Variants in KHDRBS2 observed in about 807,000 individuals in gnomAD.
The protein encoded by KHDRBS2 is KH domain-containing, RNA-binding, signal transduction-associated protein 2.
In KHDRBS2, 26 loss-of-function variants were observed where a neutral mutation model predicts 44.3. That is an observed-to-expected ratio of 0.59 (90% CI 0.43 to 0.81). KHDRBS2 has a LOEUF of 0.81. KHDRBS2 is among the 40% of genes least tolerant of loss of function. The pLI is 0.00. For missense variants in KHDRBS2, 476 were observed against 433.1 expected (o/e 1.10, Z -0.88); for synonymous variants, 194 against 151.1 (o/e 1.28, Z -2.08).
intron 8 of KHDRBS2, among the ~76,000 whole-genome samples, chr6:61,690,727 C>T (rs1767306436): frequency 6.6e-6 from 1 of 151,960 alleles, no homozygotes; most frequent in Admixed American, 6.6e-5. Context: ...ATAAAAGGAG[C>T]CTGCATATAA....
At chr6:62,125,318 G>A (rs1454579559) in intron 2 of KHDRBS2, among the ~76,000 whole-genome samples, 1 of 152,136 alleles carries the variant, frequency 6.6e-6, no homozygotes, top group Non-Finnish European at 1.5e-5. Context: ...TACCCAGAGG[G>A]GAAATGCCCA....
At chr6:61,681,307 C>A (rs1766267972) in intron 8 of KHDRBS2, among the ~76,000 whole-genome samples, 1 of 151,668 alleles carries the variant, frequency 6.6e-6, no homozygotes, top group Non-Finnish European at 1.5e-5. Flanking sequence ...AAACCCCTGC[C>A]CATAAAATCT....
intron 4 of KHDRBS2, among the ~76,000 whole-genome samples, chr6:61,934,552 A>G (rs1810683426): frequency 6.6e-6 from 1 of 152,198 alleles, no homozygotes; most frequent in African/African-American, 2.4e-5. Context: ...TCTTTTCACT[A>G]TGAATTGTAC....
intron 6 of KHDRBS2, among the ~76,000 whole-genome samples, chr6:61,785,010 A>T (rs753508032): frequency 6.6e-6 from 1 of 151,990 alleles, no homozygotes; most frequent in Admixed American, 6.6e-5. Flanking sequence ...TTTGCAGGGC[A>T]TGGTGGCGCA....
chr6:62,169,700 GA>G (rs1296929287), intron 2 of KHDRBS2, among the ~76,000 whole-genome samples: 1 of 152,010 alleles, frequency 6.6e-6, no homozygotes, highest in Non-Finnish European at 1.5e-5. Context: ...CTAGGGATGG[GA>G]AAATGCCCCG....
intron 1 of KHDRBS2, among the ~76,000 whole-genome samples, chr6:62,246,100 TTTTATATA>T (rs1311339362): frequency 3.1e-4 from 18 of 57,954 alleles, no homozygotes; most frequent in African/African-American, 1.3e-3. Context: ...ATTCAATCAA[TTTTATATA>T]TATATATATA....
chr6:61,576,233 A>AT, the KHDRBS2 span, among the ~76,000 whole-genome samples: 2 of 152,052 alleles, frequency 1.3e-5, no homozygotes, highest in Admixed American at 6.6e-5. Flanking sequence ...ATGTTGGTTC[A>AT]TTTTTTTGGG....
chr6:62,053,364 A>G (rs571780267), intron 2 of KHDRBS2, among the ~76,000 whole-genome samples: 18 of 152,072 alleles, frequency 1.2e-4, no homozygotes, highest in South Asian at 6.2e-4. Context: ...AAGAAAAAAA[A>G]AATGACATGA....
At chr6:61,830,705 T>C (rs1791649965) in intron 6 of KHDRBS2, among the ~76,000 whole-genome samples, 2 of 152,322 alleles carry the variant, frequency 1.3e-5, no homozygotes, top group Admixed American at 1.3e-4. Context: ...TGTCATGTCC[T>C]GGGTACAGGT....
At chr6:61,954,122 A>T (rs1765378136) in intron 4 of KHDRBS2, among the ~76,000 whole-genome samples, 1 of 152,164 alleles carries the variant, frequency 6.6e-6, no homozygotes, top group South Asian at 2.1e-4. Flanking sequence ...GCCACAAGGC[A>T]TAACACTGAG....
the KHDRBS2 span, among the ~76,000 whole-genome samples, chr6:61,639,899 G>C: frequency 6.6e-6 from 1 of 151,984 alleles, no homozygotes; most frequent in Non-Finnish European, 1.5e-5. Context: ...AAGAAGAGGG[G>C]ACTGTTATAG....
chr6:61,846,015 T>C (rs1261797164), intron 6 of KHDRBS2, among the ~76,000 whole-genome samples: 1 of 152,140 alleles, frequency 6.6e-6, no homozygotes, highest in Admixed American at 6.5e-5. Context: ...TTTAAAAGTG[T>C]GTGGCACCTC....
intron 2 of KHDRBS2, among the ~76,000 whole-genome samples, chr6:62,073,458 G>A (rs147562959): frequency 6.7e-6 from 1 of 148,710 alleles, no homozygotes; most frequent in African/African-American, 2.5e-5. Flanking sequence ...TTTCCTTTCA[G>A]TCTAATTGTT....
chr6:62,120,891 A>G (rs1807471549), intron 2 of KHDRBS2, among the ~76,000 whole-genome samples: 1 of 152,154 alleles, frequency 6.6e-6, no homozygotes, highest in Non-Finnish European at 1.5e-5. Flanking sequence ...TCCTTCCCCA[A>G]CAAGACCTCC....
chr6:62,149,580 T>G (rs1814657347), intron 2 of KHDRBS2, among the ~76,000 whole-genome samples: 2 of 152,154 alleles, frequency 1.3e-5, no homozygotes, highest in African/African-American at 4.8e-5. Context: ...CACTGGTGTT[T>G]GTTGTTCCAC....
At chr6:61,654,880 C>G in the KHDRBS2 span, among the ~76,000 whole-genome samples, 1 of 151,478 alleles carries the variant, frequency 6.6e-6, no homozygotes, top group Non-Finnish European at 1.5e-5. Context: ...CTGGGGAAGG[C>G]GCAGGAGGCA....
chr6:61,669,961 A>G, the KHDRBS2 span, among the ~76,000 whole-genome samples: 1 of 151,194 alleles, frequency 6.6e-6, no homozygotes, highest in Non-Finnish European at 1.5e-5. Flanking sequence ...TTTACACACC[A>G]GAATCCCACT....
chr6:61,633,085 C>A, the KHDRBS2 span, among the ~76,000 whole-genome samples: 1 of 151,920 alleles, frequency 6.6e-6, no homozygotes, highest in Non-Finnish European at 1.5e-5. Flanking sequence ...AAAGTGTGAC[C>A]CATTTACAGA....
At chr6:61,927,497 C>G (rs761590582) in intron 4 of KHDRBS2, among the ~76,000 whole-genome samples, 40 of 152,040 alleles carry the variant, frequency 2.6e-4, no homozygotes, top group Non-Finnish European at 5.0e-4. Context: ...GTTATAGAAA[C>G]CTTTTACGTA....
Sources: gnomAD v4.1 joint callset for allele counts (sites outside exome capture counted in the v4.1 genomes callset) on GRCh38, gnomAD v4.1.1 for gene constraint, MANE v1.5 for transcripts, NCBI Gene and HGNC (gene_info 2026-07-23, HGNC 2026-07-21) for gene names.